The following STK25 variants were observed in gnomAD, a reference collection of about 807,000 sequenced individuals.
STK25 encodes the protein serine/threonine-protein kinase 25.
STK25 carries 29 observed loss-of-function variants against 53.8 expected under a neutral mutation model. That is an observed-to-expected ratio of 0.54 (90% confidence interval 0.40 to 0.74). The LOEUF (loss-of-function observed/expected upper bound fraction) is 0.74. Ranked by LOEUF, STK25 falls within the 30% of genes least tolerant of loss-of-function variation. The pLI is 0.00. For missense variants in STK25, 420 were observed against 568.0 expected, an observed-to-expected ratio of 0.74 and a Z score of 2.65; for synonymous variants, 247 against 238.3, an observed-to-expected ratio of 1.04 and a Z score of -0.33.
chr2:241,497,355 T>C (rs2065236324), intron 10 of STK25: 2 of 485,174 alleles, frequency 4.1e-6, no homozygotes, highest in South Asian at 2.9e-5. Flanking sequence ...GCTTTCTCTA[T>C]AGAAGGATCA....
chr2:241,498,073 C>T (rs902643130), intron 9 of STK25, among the ~76,000 whole-genome samples, 162 bp downstream of exon 9: 3 of 152,350 alleles, frequency 2.0e-5, no homozygotes, highest in South Asian at 2.1e-4. Context: ...CTCGGGGTCT[C>T]CACACCAGGC....
rs2065488204 is a variant in STK25, at chr2:241,501,186, C to T, written c.261+292G>A. Reference sequence around the variant, plus strand: ...CCCCAGACACTGGCACCACCAGCCACCTGCTCCTCACAGGCCCACTCACCA... The same window carrying T: ...CCCCAGACACTGGCACCACCAGCCATCTGCTCCTCACAGGCCCACTCACCA... On this transcript the variant is annotated intron_variant, in intron 3 of 11. Coordinates refer to ENST00000316586, the MANE Select transcript of STK25 (RefSeq NM_001271977.2). This position sits in a 1 kb window ranked among gnomAD's most constrained non-coding sequence, Gnocchi z 5.3. 3 of 554,996 alleles carry T rather than the reference C, an allele frequency of 5.4e-6. No homozygotes were observed. The highest frequency in any genetic ancestry group is 3.1e-5 in the East Asian group (1 of 31,934). The allele number at this position is 554,996 out of a possible 1,614,324, so 34.4% of individuals were successfully genotyped here. A position where few individuals can be genotyped will look rare whatever the true frequency, so the allele number is the denominator to read the frequency against.
In STK25 at chr2:241,499,841, T is replaced by G. The variant is rs1574946511; in HGVS notation, c.427+332A>C. 1.1e-5 allele frequency: 5 copies of G among 463,304 alleles called. No homozygotes were observed. In the East Asian group the frequency reaches 2.2e-4, roughly 20 times the overall value. The allele number at this position is 463,304 out of a possible 1,614,324, so 28.7% of individuals were successfully genotyped here. A position where few individuals can be genotyped will look rare whatever the true frequency, so the allele number is the denominator to read the frequency against. ...CCATGGGCTGGCCCAGCCTCCCGTC[T>G]GCTCTCAGCAGGGCCAGACCACACG... On this transcript the variant is annotated intron_variant, in intron 5 of 11. Transcript: ENST00000316586.
At chr2:241,503,337 T>C (rs1161073079) in intron 2 of STK25, among the ~76,000 whole-genome samples, 1 of 151,596 alleles carries the variant, frequency 6.6e-6, no homozygotes, top group African/African-American at 2.4e-5. Flanking sequence ...AGTGCTGGGA[T>C]TACAGGCGTG....
Position 241,496,283 on chromosome 2 carries a change from C to G in STK25, c.1241+115G>C. 11 of 1,308,550 alleles carry G rather than the reference C, an allele frequency of 8.4e-6. No individual in the cohort carries two copies. In the South Asian group the frequency reaches 1.3e-4, roughly 16 times the overall value. The allele number at this position is 1,308,550 out of a possible 1,614,324, so 81.1% of individuals were successfully genotyped here. Reference sequence around the variant, plus strand: ...CACGCCGCGCCTTCCCAGAGTGAAGCGAGCCCATGTAGTGCCAAATGCAGC... The same window carrying G: ...CACGCCGCGCCTTCCCAGAGTGAAGGGAGCCCATGTAGTGCCAAATGCAGC... On this transcript the variant is annotated intron_variant, in intron 11 of 11. Transcript: ENST00000316586. This position sits in a 1 kb window ranked among gnomAD's most constrained non-coding sequence, Gnocchi z 5.8.
At chr2:241,505,356 A>G (rs1009978131) in intron 2 of STK25, among the ~76,000 whole-genome samples, 1 of 152,066 alleles carries the variant, frequency 6.6e-6, no homozygotes, top group African/African-American at 2.4e-5. Flanking sequence ...AAAGACCCCA[A>G]GGGAGTCCTC....
rs1473605108 is a variant in STK25, at chr2:241,496,266, G to A, written c.1241+132C>T. ...AACAAGGAAGAGGATGCCACGCCGC[G>A]CCTTCCCAGAGTGAAGCGAGCCCAT... On this transcript the variant is annotated intron_variant, in intron 11 of 11. Coordinates refer to ENST00000316586, the MANE Select transcript of STK25 (RefSeq NM_001271977.2). This position sits in a 1 kb window ranked among gnomAD's most constrained non-coding sequence, Gnocchi z 5.8. 9 of 1,121,542 alleles carry A rather than the reference G, an allele frequency of 8.0e-6. No individual in the cohort carries two copies. The highest frequency in any genetic ancestry group is 2.4e-5 in the East Asian group (1 of 42,110). The allele number at this position is 1,121,542 out of a possible 1,614,324, so 69.5% of individuals were successfully genotyped here.
Position 241,493,081 on chromosome 2 carries a change from C to CA in STK25, c.*2580dup, listed in dbSNP as rs1218950919. 3 of 1,216,888 alleles carry CA rather than the reference C, an allele frequency of 2.5e-6. No individual in the cohort carries two copies. The highest frequency in any genetic ancestry group is 3.4e-5 in the Admixed American group (2 of 59,356). 75.4% of individuals were successfully genotyped at this position (1,216,888 alleles called of 1,614,324 possible). On this transcript the variant is annotated 3_prime_UTR_variant, in exon 12 of 12. Transcript: ENST00000316586. The stretch of plus-strand genomic sequence containing the variant: ...GCCCAATGCAGGTGATGCTAGCAGA[C>CA]AGACACTTAACCCTGCTCACCTGTG...
rs941402706 is a variant in STK25 at position 241,494,300 on chromosome 2, C to A, written c.*1362G>T. The A allele has an allele frequency of 2.4e-6, 1 of 415,758 alleles. No individual in the cohort carries two copies. Among genetic ancestry groups the A allele is most frequent in the Non-Finnish European group, 4.4e-6 (1 of 229,020 alleles). 25.8% of individuals were successfully genotyped at this position (415,758 alleles called of 1,614,324 possible). Reference sequence around the variant, plus strand: ...ATCTGGGAGGGGCTTCATCCCCCCACCCAGGACCTAGTGCATGCCAGCAGC... The same window carrying A: ...ATCTGGGAGGGGCTTCATCCCCCCAACCAGGACCTAGTGCATGCCAGCAGC... On this transcript the variant is annotated 3_prime_UTR_variant, in exon 12 of 12. Transcript: ENST00000316586. The surrounding 1 kb of genome is among the most constrained non-coding windows in gnomAD (Gnocchi z 4.9).
At chr2:241,498,510 T>C in intron 8 of STK25, 129 bp downstream of exon 8, 1 of 1,337,860 alleles carries the variant, frequency 7.5e-7, no homozygotes, top group East Asian at 2.4e-5. Flanking sequence ...TCCTGCAGCC[T>C]TGAGGGGGTC....
chr2:241,500,999 T>C (rs1216893678), intron 3 of STK25: 3 of 603,882 alleles, frequency 5.0e-6, no homozygotes, highest in African/African-American at 3.7e-5. Flanking sequence ...AGAGGACAGG[T>C]TGAGTACACA....
At chr2:241,500,672 C>T (rs1574949274) in intron 4 of STK25, 68 bp downstream of exon 4, 1 of 1,518,078 alleles carries the variant, frequency 6.6e-7, no homozygotes, top group South Asian at 1.2e-5. Flanking sequence ...GCCCCTGGAG[C>T]CCATGAGTCT....
At position 241,495,644 on chromosome 2, in the gene STK25, T is replaced by C. The variant is rs1169756787; in HGVS notation, c.*18A>G. On this transcript the variant is annotated 3_prime_UTR_variant, in exon 12 of 12. Coordinates refer to ENST00000316586, the MANE Select transcript of STK25 (RefSeq NM_001271977.2). ...AAAACAAACGACCTTCCGTCCCCTA[T>C]CTGAACAGCAGTGCGCTTCAGCGGG... The C allele has an allele frequency of 6.2e-7, 1 of 1,614,056 alleles. No individual in the cohort carries two copies. The highest frequency in any genetic ancestry group is 2.2e-5 in the East Asian group (1 of 44,890).
At position 241,501,678 on chromosome 2, in the gene STK25, T is replaced by C. The variant is rs2065519281; in HGVS notation, c.61A>G (p.Thr21Ala). The C allele has an allele frequency of 6.8e-6, 11 of 1,613,634 alleles. No homozygotes were observed. Among genetic ancestry groups the C allele is most frequent in the Non-Finnish European group, 9.3e-6 (11 of 1,179,934 alleles). Residue 21 changes from threonine to alanine, a missense_variant, in exon 3 of 12, where the codon ACC (threonine) becomes GCC (alanine). Transcript: ENST00000316586. The surrounding 1 kb of genome is among the most constrained non-coding windows in gnomAD (Gnocchi z 5.3). ...CCCTTGCCAATGCGGTCGAGCTTGGTGAAGAGCTCCTCAGGGTCCACTCGA... is the reference window on the plus strand; with the variant it reads ...CCCTTGCCAATGCGGTCGAGCTTGGCGAAGAGCTCCTCAGGGTCCACTCGA... ...HSRVDPEELF[T>A]KLDRIGKGSF...
Position 241,496,637 on chromosome 2 carries a change from C to T in STK25, c.1105-103G>A, listed in dbSNP as rs967910821. 2.2e-5 allele frequency: 29 copies of T among 1,343,292 alleles called. No homozygotes were observed. Among genetic ancestry groups the T allele is most frequent in the Admixed American group, 9.0e-5 (4 of 44,232 alleles). The allele number at this position is 1,343,292 out of a possible 1,614,324, so 83.2% of individuals were successfully genotyped here. A position where few individuals can be genotyped will look rare whatever the true frequency, so the allele number is the denominator to read the frequency against. On this transcript the variant is annotated intron_variant, in intron 10 of 11. Transcript: ENST00000316586. This position sits in a 1 kb window ranked among gnomAD's most constrained non-coding sequence, Gnocchi z 5.8. The stretch of plus-strand genomic sequence containing the variant: ...TGATGCCGGAGGCCTTCAGGGCTCT[C>T]GCCTAGGAGCCACACCCGGGAGCCC...
At chr2:241,508,895 C>A (rs1331913869), upstream of STK25, among the ~76,000 whole-genome samples, 1 of 152,114 alleles carries the variant, frequency 6.6e-6, no homozygotes, top group Non-Finnish European at 1.5e-5. Context: ...TTGCTGGCGC[C>A]TGCCAGGCGT....
chr2:241,498,118 T>C, intron 9 of STK25, 117 bp downstream of exon 9: 1 of 992,476 alleles, frequency 1.0e-6, no homozygotes, highest in East Asian at 2.4e-5. Context: ...CACCCCTGCC[T>C]TTCCCAAGCT....
rs769704557 is a variant in STK25 at position 241,496,411 on chromosome 2, C to T, written c.1228G>A (p.Glu410Lys). 1.9e-6 allele frequency: 3 copies of T among 1,613,430 alleles called. No individual in the cohort carries two copies. The African/African-American group carries it at 4.0e-5, about 22-fold the overall frequency. Residue 410 changes from glutamate (E) to lysine (K), a missense_variant, in exon 11 of 12, where the codon GAG becomes AAG. Transcript: ENST00000316586. This position sits in a 1 kb window ranked among gnomAD's most constrained non-coding sequence, Gnocchi z 5.8. ...GGCCGCCCTCACCTCTGCACTCGCT[C>T]CACCAGGTGCACCATCAGCTTGTCT... ...ISDKLMVHLV[E>K]RVQRFSHNRN...
chr2:241,508,261 C>G (rs1174396623), intron 1 of STK25, 126 bp from the exon 2 acceptor site: 44 of 1,304,618 alleles, frequency 3.4e-5, no homozygotes, highest in Non-Finnish European at 4.3e-5. Context: ...CCCGCCACGC[C>G]CGGGCCTAAC....
Sources: allele counts gnomAD v4.1 joint callset (sites outside exome capture counted in the v4.1 genomes callset), GRCh38; gene constraint gnomAD v4.1.1; non-coding constraint Gnocchi (gnomAD v3.1); transcripts MANE v1.5; gene names NCBI Gene and HGNC (gene_info 2026-07-23, HGNC 2026-07-21).